Variants in ARFGEF2 observed in about 807,000 individuals in gnomAD.
ARFGEF2 encodes the protein ARF guanine nucleotide exchange factor 2, also known as brefeldin A-inhibited guanine nucleotide-exchange protein 2.
ARFGEF2 carries 74 observed loss-of-function variants against 219.9 expected under a neutral mutation model. The ratio of observed to expected loss-of-function variants is 0.34; its 90% CI spans 0.28 to 0.41. The LOEUF is 0.41. Ranked by LOEUF, ARFGEF2 falls within the 10% of genes least tolerant of loss-of-function variation. The probability of loss-of-function intolerance (pLI) is 1.00; values close to 1 mark genes in which losing one functional copy is unlikely to be tolerated. For synonymous variants in ARFGEF2, 733 were observed against 799.2 expected (o/e 0.92, Z 1.40); for missense variants, 1,743 against 2,218.3 (o/e 0.79, Z 4.30).
At chr20:48,944,035 T>C (rs1010467373) in intron 3 of ARFGEF2, among the ~76,000 whole-genome samples, 1 of 152,228 alleles carries the variant, frequency 6.6e-6, no homozygotes, top group African/African-American at 2.4e-5. Flanking sequence ...TTAATCTCTC[T>C]TCTTTGTTAC....
chr20:49,002,193 G>A (rs2091429540), intron 25 of ARFGEF2, among the ~76,000 whole-genome samples: 1 of 152,142 alleles, frequency 6.6e-6, no homozygotes, highest in African/African-American at 2.4e-5. Flanking sequence ...AGCAGAGATC[G>A]TGCCATTGCA....
At chr20:48,923,333 A>G (rs2090855365) in intron 1 of ARFGEF2, among the ~76,000 whole-genome samples, 1 of 152,228 alleles carries the variant, frequency 6.6e-6, no homozygotes, top group Non-Finnish European at 1.5e-5. Flanking sequence ...TTTGCTACAA[A>G]GTATAGAGTA....
intron 3 of ARFGEF2, among the ~76,000 whole-genome samples, chr20:48,950,446 A>G (rs540716454): frequency 2.6e-5 from 4 of 152,232 alleles, no homozygotes; most frequent in Admixed American, 2.0e-4. Flanking sequence ...ATATATATAT[A>G]TAATTTTAAC....
intron 14 of ARFGEF2, among the ~76,000 whole-genome samples, chr20:48,982,717 C>T (rs958165557): frequency 6.6e-5 from 10 of 152,198 alleles, no homozygotes; most frequent in Non-Finnish European, 1.2e-4. Flanking sequence ...CACCCCTCCC[C>T]CTGCCAGGCT....
rs1600618405 is a variant in ARFGEF2, at chr20:48,967,268, A to G, written c.1059+1245A>G. 3.3e-5 allele frequency among the ~76,000 whole-genome samples: 5 copies of G among 152,342 alleles called. No homozygotes were observed. In the East Asian group the frequency reaches 9.6e-4, roughly 29 times the overall value. On this transcript the variant is annotated intron_variant, in intron 8 of 38. Coordinates refer to ENST00000371917, the MANE Select transcript of ARFGEF2 (RefSeq NM_006420.3). ...TATATGATGGGCATCTTCCCCTGTCAGTATATGTAGAGCTAACAGAAATTT... is the reference window on the plus strand; with the variant it reads ...TATATGATGGGCATCTTCCCCTGTCGGTATATGTAGAGCTAACAGAAATTT...
At chr20:49,001,743 G>A (rs1159803295) in intron 25 of ARFGEF2, among the ~76,000 whole-genome samples, 2 of 152,080 alleles carry the variant, frequency 1.3e-5, no homozygotes, top group Non-Finnish European at 2.9e-5. Context: ...TTACTAGTTT[G>A]TTGTATATCT....
chr20:49,030,148 T>TC (rs2091625467), intron 37 of ARFGEF2, among the ~76,000 whole-genome samples: 6 of 151,416 alleles, frequency 4.0e-5, no homozygotes, highest in Admixed American at 3.3e-4. Context: ...GACCTCGTGA[T>TC]CCCCCCACCT....
At chr20:48,935,975 G>A (rs1287775998) in intron 1 of ARFGEF2, among the ~76,000 whole-genome samples, 5 of 139,958 alleles carry the variant, frequency 3.6e-5, no homozygotes, top group African/African-American at 8.1e-5. Flanking sequence ...CCTCCCGGAC[G>A]GGGCGGCTGG....
intron 3 of ARFGEF2, among the ~76,000 whole-genome samples, chr20:48,946,967 A>G (rs1488657715): frequency 6.6e-6 from 1 of 151,912 alleles, no homozygotes; most frequent in Non-Finnish European, 1.5e-5. Flanking sequence ...ACACCCAGCT[A>G]GTTATTTTTT....
chr20:48,953,031 G>T, intron 5 of ARFGEF2, 147 bp downstream of exon 5: 1 of 891,376 alleles, frequency 1.1e-6, no homozygotes. Flanking sequence ...TTTTGTTCTT[G>T]CTTTAAAAAT....
chr20:49,011,831 A>ATGTG (rs147351722), intron 27 of ARFGEF2, 93 bp from the exon 28 acceptor site: 1,595 of 1,113,136 alleles, frequency 1.4e-3, no homozygotes, highest in African/African-American at 6.0e-3. Context: ...TCTCTGATGT[A>ATGTG]TGTGTGTGTG....
intron 27 of ARFGEF2, 33 bp from the exon 28 acceptor site, chr20:49,011,891 G>C: frequency 6.2e-7 from 1 of 1,613,614 alleles, no homozygotes; most frequent in Non-Finnish European, 8.5e-7. Flanking sequence ...CTAAATCCTG[G>C]TCTTATGAAA....
chr20:48,984,854 G>GT lies in ARFGEF2; in HGVS notation c.2070+15dup. ...CGCCTGGATTCCGTAAGGCTTGGGG[G>GT]TGTAGCACTTGCATGTGAGTTCTGT... On this transcript the variant is annotated intron_variant, in intron 15 of 38. Coordinates refer to ENST00000371917, the MANE Select transcript of ARFGEF2 (RefSeq NM_006420.3). 1.2e-6 allele frequency: 2 copies of GT among 1,612,274 alleles called. No individual in the cohort carries two copies. Among genetic ancestry groups the GT allele is most frequent in the Non-Finnish European group, 1.7e-6 (2 of 1,179,996 alleles).
chr20:49,018,443 C>T (rs1461196402), intron 33 of ARFGEF2, among the ~76,000 whole-genome samples: 1 of 152,132 alleles, frequency 6.6e-6, no homozygotes, highest in Non-Finnish European at 1.5e-5. Flanking sequence ...GCCATGTTGA[C>T]CAGGCTGGTC....
intron 30 of ARFGEF2, among the ~76,000 whole-genome samples, 182 bp from the exon 31 acceptor site, chr20:49,016,098 A>G (rs770210472): frequency 2.0e-4 from 30 of 152,244 alleles, no homozygotes; most frequent in Non-Finnish European, 3.7e-4. Context: ...CATCATTACC[A>G]TAATTTTATA....
chr20:48,948,462 A>G (rs2091043345), intron 3 of ARFGEF2, among the ~76,000 whole-genome samples: 1 of 152,202 alleles, frequency 6.6e-6, no homozygotes. Context: ...CTCTGGTCAG[A>G]GGTGACTCTT....
At chr20:48,948,059 A>G (rs2123336913) in intron 3 of ARFGEF2, among the ~76,000 whole-genome samples, 1 of 152,220 alleles carries the variant, frequency 6.6e-6, no homozygotes, top group East Asian at 1.9e-4. Context: ...AAAACTTTTG[A>G]TTTTTTAAAT....
chr20:48,967,079 C>G (rs1056229851), intron 8 of ARFGEF2, among the ~76,000 whole-genome samples: 1 of 152,208 alleles, frequency 6.6e-6, no homozygotes, highest in African/African-American at 2.4e-5. Flanking sequence ...GAACTAGGCT[C>G]AAGCAATCTG....
At chr20:48,955,991 A>G (rs1291341863) in intron 6 of ARFGEF2, among the ~76,000 whole-genome samples, 1 of 152,210 alleles carries the variant, frequency 6.6e-6, no homozygotes, top group African/African-American at 2.4e-5. Context: ...AAAGGAGCAA[A>G]TGACTTCCAG....
Sources: gnomAD v4.1 joint callset for allele counts (sites outside exome capture counted in the v4.1 genomes callset) on GRCh38, gnomAD v4.1.1 for gene constraint, MANE v1.5 for transcripts, NCBI Gene and HGNC (gene_info 2026-07-23, HGNC 2026-07-21) for gene names.